SDK1: variants seen among roughly 807,000 people sequenced by gnomAD.
The protein encoded by SDK1 is sidekick cell adhesion molecule 1.
A neutral mutation model predicts 245.5 loss-of-function variants in SDK1; 157 were observed. That is an observed-to-expected ratio of 0.64 (90% confidence interval 0.56 to 0.73). SDK1 has a LOEUF of 0.73. Among genes scored for constraint, SDK1 ranks in the 30% least tolerant of loss-of-function variants. The pLI is 0.00. For missense variants in SDK1, 3,583 were observed against 3,002.3 expected (o/e 1.19, Z -4.52); for synonymous variants, 1,647 against 1,278.5 (o/e 1.29, Z -6.15).
At chr7:3,303,031 C>G (rs888406681) in intron 1 of SDK1, among the ~76,000 whole-genome samples, 2 of 151,652 alleles carry the variant, frequency 1.3e-5, no homozygotes, top group Admixed American at 6.6e-5. Context: ...TTTATTGATG[C>G]TTATGTAACG....
At chr7:4,139,705 A>ATG (rs368036304) in intron 28 of SDK1, among the ~76,000 whole-genome samples, 9 of 111,876 alleles carry the variant, frequency 8.0e-5, no homozygotes, top group Admixed American at 8.6e-5. Context: ...GTGTGTGTGT[A>ATG]TGTGTGTGTG....
At position 3,987,245 on chromosome 7, in the gene SDK1, C is replaced by T. The variant is rs763633055; in HGVS notation, c.2054C>T (p.Ala685Val). ...AGCCCTAATTCTTCCCACAGCCACG[C>T]CGTGGTGCTCTCTTGGGTCCGGCCC... is the stretch of plus-strand genomic sequence containing the variant. The part of the protein sequence containing the change: ...LVSPNSSHSH[A>V]VVLSWVRPFD... The change falls in exon 14 of 45, where the codon GCC becomes GTC. Residue 685 changes from alanine (A) to valine (V), a missense_variant. By Grantham distance (64) the Ala-to-Val change is moderately conservative. Coordinates refer to ENST00000404826, the MANE Select transcript of SDK1 (RefSeq NM_152744.4). 4 of 1,614,074 alleles carry T rather than the reference C, an allele frequency of 2.5e-6. No homozygotes were observed. The highest frequency in any genetic ancestry group is 1.1e-5 in the South Asian group (1 of 91,080).
chr7:3,719,931 C>T (rs1368962854), intron 4 of SDK1, among the ~76,000 whole-genome samples: 3 of 150,894 alleles, frequency 2.0e-5, no homozygotes, highest in Admixed American at 6.6e-5. Context: ...GAGCCGAGAT[C>T]GTGCCACTGC....
At chr7:3,429,852 A>G (rs530701331) in intron 1 of SDK1, among the ~76,000 whole-genome samples, 2 of 152,180 alleles carry the variant, frequency 1.3e-5, no homozygotes, top group East Asian at 1.9e-4. Context: ...TGGCCTCCCA[A>G]TGAGTTGGGA....
chr7:3,883,502 C>T (rs1387352133), intron 5 of SDK1, among the ~76,000 whole-genome samples: 2 of 152,136 alleles, frequency 1.3e-5, no homozygotes, highest in Admixed American at 1.3e-4. Flanking sequence ...TAAAAAATCA[C>T]GTCGTTGCCA....
chr7:4,256,217 G>C (rs1787617947), intron 44 of SDK1, among the ~76,000 whole-genome samples: 1 of 152,200 alleles, frequency 6.6e-6, no homozygotes. Flanking sequence ...ACTGCACCCA[G>C]CCTTCAGAGA....
At chr7:3,356,498 C>T (rs1405487612) in intron 1 of SDK1, among the ~76,000 whole-genome samples, 1 of 152,136 alleles carries the variant, frequency 6.6e-6, no homozygotes, top group Non-Finnish European at 1.5e-5. Context: ...TTTGGATGAT[C>T]TAAGACCTCC....
chr7:3,447,735 A>C (rs150580975), intron 1 of SDK1, among the ~76,000 whole-genome samples: 257 of 115,846 alleles, frequency 2.2e-3, no homozygotes, highest in Non-Finnish European at 3.3e-3. Context: ...ATAGAGTTTC[A>C]CTCTCGTTGC....
chr7:3,736,813 C>G (rs1779329881), intron 4 of SDK1, among the ~76,000 whole-genome samples: 1 of 152,198 alleles, frequency 6.6e-6, no homozygotes, highest in Non-Finnish European at 1.5e-5. Flanking sequence ...CTAAGATCTA[C>G]TTTTCTAACA....
intron 1 of SDK1, among the ~76,000 whole-genome samples, chr7:3,314,909 T>A (rs1042990026): frequency 2.0e-5 from 3 of 151,370 alleles, no homozygotes; most frequent in East Asian, 1.9e-4. Context: ...TTTTTTTTTT[T>A]AAAACTAAAC....
chr7:3,364,915 A>G (rs1781049847), intron 1 of SDK1, among the ~76,000 whole-genome samples: 2 of 152,268 alleles, frequency 1.3e-5, no homozygotes, highest in Non-Finnish European at 1.5e-5. Flanking sequence ...ATGTCTCACC[A>G]TTTGTTTACA....
chr7:3,307,601 A>G (rs1295328171), intron 1 of SDK1, among the ~76,000 whole-genome samples: 2 of 152,224 alleles, frequency 1.3e-5, no homozygotes, highest in Admixed American at 6.5e-5. Flanking sequence ...TTCCTGACAG[A>G]AAGCTCCAAA....
intron 1 of SDK1, among the ~76,000 whole-genome samples, chr7:3,574,006 G>C (rs1233501414): frequency 6.6e-6 from 1 of 152,014 alleles, no homozygotes; most frequent in African/African-American, 2.4e-5. Context: ...TGAAGCTACT[G>C]TTTTCACTTC....
intron 10 of SDK1, among the ~76,000 whole-genome samples, chr7:3,968,844 T>G (rs144644311): frequency 6.6e-6 from 1 of 152,332 alleles, no homozygotes; most frequent in African/African-American, 2.4e-5. Flanking sequence ...CACACTGATA[T>G]AAACACATAC....
intron 1 of SDK1, among the ~76,000 whole-genome samples, chr7:3,397,212 CT>C (rs1195776663): frequency 4.0e-5 from 6 of 151,778 alleles, no homozygotes; most frequent in Non-Finnish European, 5.9e-5. Context: ...ATACAGTTGC[CT>C]TTTAAAACAA....
At chr7:3,398,767 AGT>A (rs1491213635) in intron 1 of SDK1, among the ~76,000 whole-genome samples, 4 of 122,668 alleles carry the variant, frequency 3.3e-5, no homozygotes, top group Admixed American at 9.1e-5. Context: ...AGCCCCCAGT[AGT>A]TTTTTTTTTT....
At chr7:3,968,866 C>A (rs902737985) in intron 10 of SDK1, among the ~76,000 whole-genome samples, 32 of 152,120 alleles carry the variant, frequency 2.1e-4, no homozygotes, top group African/African-American at 7.5e-4. Context: ...TGAGACTGGG[C>A]AATTTACAAA....
intron 1 of SDK1, among the ~76,000 whole-genome samples, chr7:3,442,533 G>T (rs1482370934): frequency 6.6e-6 from 1 of 152,178 alleles, no homozygotes; most frequent in East Asian, 1.9e-4. Context: ...TGGAAACAAG[G>T]TTGTATTGTG....
chr7:4,197,598 C>G (rs1445152173), intron 35 of SDK1, among the ~76,000 whole-genome samples: 2 of 152,230 alleles, frequency 1.3e-5, no homozygotes, highest in Non-Finnish European at 2.9e-5. Flanking sequence ...GCTGTAAAAC[C>G]CCATCCGCAG....
Sources: gnomAD v4.1 joint callset for allele counts (sites outside exome capture counted in the v4.1 genomes callset) on GRCh38, gnomAD v4.1.1 for gene constraint, MANE v1.5 for transcripts, NCBI Gene and HGNC (gene_info 2026-07-23, HGNC 2026-07-21) for gene names.